Variants in SAMD5 observed in about 807,000 individuals in gnomAD.
SAMD5 encodes sterile alpha motif domain containing 5, also known as sterile alpha motif domain-containing protein 5.
A neutral mutation model predicts 11.3 loss-of-function variants in SAMD5; 13 were observed. The ratio of observed to expected loss-of-function variants is 1.15; its 90% CI spans 0.75 to 1.83. The LOEUF (loss-of-function observed/expected upper bound fraction) is 1.83. Among genes scored for constraint, SAMD5 ranks in the 40% most tolerant of loss-of-function variants. SAMD5 has a pLI of 0.00. For synonymous variants in SAMD5, 129 were observed against 111.3 expected (o/e 1.16, Z -1.00); for missense variants, 255 against 239.1 (o/e 1.07, Z -0.44).
the SAMD5 span, among the ~76,000 whole-genome samples, chr6:147,844,193 A>G: frequency 0.43 from 65,228 of 152,062 alleles, 16,176 homozygotes; most frequent in African/African-American, 0.7. Flanking sequence ...GACTTGAATA[A>G]ACATTTCTCA....
chr6:147,915,872 G>C, the SAMD5 span, among the ~76,000 whole-genome samples: 40 of 151,664 alleles, frequency 2.6e-4, no homozygotes, highest in South Asian at 8.4e-3. Context: ...ATTTACATTA[G>C]GTATATCTCC....
intron 1 of SAMD5, among the ~76,000 whole-genome samples, chr6:147,541,106 C>T (rs957280406): frequency 6.6e-6 from 1 of 151,890 alleles, no homozygotes; most frequent in East Asian, 1.9e-4. Flanking sequence ...TCCACCACCA[C>T]GCCTGGATAA....
At chr6:147,784,266 A>G in the SAMD5 span, among the ~76,000 whole-genome samples, 1 of 152,002 alleles carries the variant, frequency 6.6e-6, no homozygotes. Flanking sequence ...GATGGATGGT[A>G]TCTTTGTACA....
chr6:147,518,876 G>A (rs2128439772), intron 1 of SAMD5, among the ~76,000 whole-genome samples: 1 of 152,246 alleles, frequency 6.6e-6, no homozygotes, highest in African/African-American at 2.4e-5. Flanking sequence ...GAGTAGTGAG[G>A]GAGTCCCCAT....
the SAMD5 span, among the ~76,000 whole-genome samples, chr6:147,836,453 A>G: frequency 6.6e-6 from 1 of 152,204 alleles, no homozygotes; most frequent in Non-Finnish European, 1.5e-5. Context: ...TGCTTAACCT[A>G]CCAAACATCG....
At chr6:147,624,555 GC>G (rs1454755162) in intron 1 of SAMD5, among the ~76,000 whole-genome samples, 1 of 152,206 alleles carries the variant, frequency 6.6e-6, no homozygotes, top group Non-Finnish European at 1.5e-5. Flanking sequence ...TGCTGAGAAT[GC>G]CATTAATCCA....
chr6:147,654,746 T>C (rs1023946875), intron 1 of SAMD5, among the ~76,000 whole-genome samples: 1 of 150,680 alleles, frequency 6.6e-6, no homozygotes, highest in Non-Finnish European at 1.5e-5. Flanking sequence ...ATTAGAATGA[T>C]TTTATGCCTG....
At chr6:147,915,001 G>A in the SAMD5 span, among the ~76,000 whole-genome samples, 2 of 152,124 alleles carry the variant, frequency 1.3e-5, no homozygotes, top group Non-Finnish European at 2.9e-5. Flanking sequence ...GATCAAAGCA[G>A]ACTAAAGAGA....
intron 1 of SAMD5, among the ~76,000 whole-genome samples, chr6:147,706,679 C>CT (rs1791329268): frequency 6.6e-6 from 1 of 152,214 alleles, no homozygotes; most frequent in African/African-American, 2.4e-5. Flanking sequence ...GTACTTGGCT[C>CT]TACAGGGCTA....
intron 1 of SAMD5, among the ~76,000 whole-genome samples, chr6:147,513,087 C>A (rs192891818): frequency 6.6e-6 from 1 of 152,276 alleles, no homozygotes; most frequent in Admixed American, 6.5e-5. Flanking sequence ...TTGGCATCAA[C>A]AGGAATGGCA....
chr6:147,795,922 T>C, the SAMD5 span, among the ~76,000 whole-genome samples: 1 of 151,992 alleles, frequency 6.6e-6, no homozygotes, highest in African/African-American at 2.4e-5. Flanking sequence ...TGTTTGTTTT[T>C]TTCTTGTAAA....
At chr6:147,582,187 C>T (rs543893510) in intron 1 of SAMD5, among the ~76,000 whole-genome samples, 28 of 152,112 alleles carry the variant, frequency 1.8e-4, no homozygotes, top group Non-Finnish European at 2.9e-4. Context: ...GGTGAAACCC[C>T]GTCTCTACTA....
At chr6:147,552,958 G>A (rs1032172783) in intron 1 of SAMD5, among the ~76,000 whole-genome samples, 74 of 152,284 alleles carry the variant, frequency 4.9e-4, no homozygotes, top group African/African-American at 1.7e-3. Context: ...CATCCATTAT[G>A]TTTTTGTTCT....
chr6:147,951,193 T>TTTCTTTCTTTC, the SAMD5 span, among the ~76,000 whole-genome samples: 1 of 98,940 alleles, frequency 1.0e-5, no homozygotes, highest in Non-Finnish European at 2.3e-5. Flanking sequence ...TTCTTTCTTT[T>TTTCTTTCTTTC]TTTTTTTATG....
chr6:147,860,954 A>G, the SAMD5 span, among the ~76,000 whole-genome samples: 2 of 152,308 alleles, frequency 1.3e-5, no homozygotes, highest in African/African-American at 4.8e-5. Context: ...GGATAGTTGA[A>G]CTGTAGAAAA....
the SAMD5 span, among the ~76,000 whole-genome samples, chr6:147,791,210 G>A: frequency 6.6e-6 from 1 of 152,010 alleles, no homozygotes; most frequent in East Asian, 1.9e-4. Flanking sequence ...CAGGAAAATC[G>A]CTTGAACCCG....
intron 1 of SAMD5, among the ~76,000 whole-genome samples, chr6:147,548,277 G>A (rs536964426): frequency 2.0e-5 from 3 of 152,258 alleles, no homozygotes; most frequent in South Asian, 4.1e-4. Context: ...TATATGAATG[G>A]TTTAATAGTT....
chr6:147,514,145 A>G (rs376918661), intron 1 of SAMD5, among the ~76,000 whole-genome samples: 2 of 152,228 alleles, frequency 1.3e-5, no homozygotes, highest in East Asian at 3.9e-4. Context: ...CCAGGAGACC[A>G]GGGTCCTGGA....
At chr6:147,530,135 A>G (rs1788405707) in intron 1 of SAMD5, among the ~76,000 whole-genome samples, 1 of 152,200 alleles carries the variant, frequency 6.6e-6, no homozygotes, top group Non-Finnish European at 1.5e-5. Context: ...GAACTATCAA[A>G]CAAACATATT....
Sources: gnomAD v4.1 joint callset for allele counts (sites outside exome capture counted in the v4.1 genomes callset) on GRCh38, gnomAD v4.1.1 for gene constraint, MANE v1.5 for transcripts, NCBI Gene and HGNC (gene_info 2026-07-23, HGNC 2026-07-21) for gene names.